Variants in SLC7A2 observed in about 807,000 individuals in gnomAD.
SLC7A2 encodes the protein cationic amino acid transporter 2.
In SLC7A2, 48 loss-of-function variants were observed where a neutral mutation model predicts 58.9. That is an observed-to-expected ratio of 0.82 (90% CI 0.65 to 1.04). The LOEUF (loss-of-function observed/expected upper bound fraction) is 1.04. SLC7A2 is among the 50% of genes least tolerant of loss of function. The pLI is 0.00. For synonymous variants in SLC7A2, 363 were observed against 314.5 expected (o/e 1.15, Z -1.63); for missense variants, 1,029 against 818.8 (o/e 1.26, Z -3.13).
chr8:17,496,545 AC>A (rs1279126266), upstream of SLC7A2, among the ~76,000 whole-genome samples: 2 of 151,750 alleles, frequency 1.3e-5, no homozygotes, highest in Non-Finnish European at 2.9e-5. Flanking sequence ...CTATAAACCC[AC>A]CCCCAAACAA....
At chr8:17,541,587 G>A (rs576291082) in intron 2 of SLC7A2, among the ~76,000 whole-genome samples, 1 of 152,224 alleles carries the variant, frequency 6.6e-6, no homozygotes, top group East Asian at 1.9e-4. Context: ...TTCACTATTG[G>A]AAGCTTGTAT....
At chr8:17,498,476 T>C (rs952976068) in intron 1 of SLC7A2, among the ~76,000 whole-genome samples, 1 of 152,236 alleles carries the variant, frequency 6.6e-6, no homozygotes, top group Admixed American at 6.5e-5. Context: ...TTGTAATTAG[T>C]AAATCCTTTT....
At chr8:17,560,760 A>G (rs1425853598) in intron 10 of SLC7A2, among the ~76,000 whole-genome samples, 2 of 152,318 alleles carry the variant, frequency 1.3e-5, no homozygotes, top group African/African-American at 4.8e-5. Flanking sequence ...ATACTTCAAG[A>G]CGAGAGTGAC....
intron 2 of SLC7A2, among the ~76,000 whole-genome samples, chr8:17,509,439 G>A (rs1437350052): frequency 6.6e-6 from 1 of 151,964 alleles, no homozygotes; most frequent in African/African-American, 2.4e-5. Context: ...CCAAGTAGCT[G>A]GGTTTACAGG....
At chr8:17,547,733 C>T (rs914384146) in intron 4 of SLC7A2, among the ~76,000 whole-genome samples, 22 of 150,426 alleles carry the variant, frequency 1.5e-4, no homozygotes, top group Admixed American at 3.3e-4. Context: ...TCAATATAGT[C>T]GAAGATTATG....
In SLC7A2 at chr8:17,551,937, C is replaced by G; in HGVS notation, c.1006C>G (p.Pro336Ala). ...PVAFEYVGWG[P>A]AKYVVAAGSL... ...AGCGTTTGAATATGTGGGATGGGGTCCTGCCAAATATGTCGTCGCAGCTGG... is the reference window on the plus strand; with the variant it reads ...AGCGTTTGAATATGTGGGATGGGGTGCTGCCAAATATGTCGTCGCAGCTGG... The change falls in exon 7 of 13, where the codon CCT (proline) becomes GCT (alanine). Residue 336 changes from proline (P) to alanine (A), a missense_variant. Physicochemically the swap from Pro to Ala is conservative, Grantham distance 27. Coordinates refer to ENST00000494857, the MANE Select transcript of SLC7A2 (RefSeq NM_001370338.1). 1 of 1,613,976 alleles carries G rather than the reference C, an allele frequency of 6.2e-7. No individual in the cohort carries two copies. The highest frequency in any genetic ancestry group is 8.5e-7 in the Non-Finnish European group (1 of 1,180,004).
chr8:17,542,050 T>G (rs1585236360), intron 2 of SLC7A2, among the ~76,000 whole-genome samples: 1 of 152,292 alleles, frequency 6.6e-6, no homozygotes, highest in East Asian at 1.9e-4. Context: ...AAATCTCAAA[T>G]ATAATAAGCA....
chr8:17,497,435 G>C (rs1454375093), intron 1 of SLC7A2, among the ~76,000 whole-genome samples, 198 bp downstream of exon 1: 1 of 152,136 alleles, frequency 6.6e-6, no homozygotes, highest in East Asian at 1.9e-4. Flanking sequence ...TCAGGGAGTC[G>C]GGGCCGTGGG....
chr8:17,554,992 G>A (rs1802624811), intron 8 of SLC7A2: 2 of 1,613,696 alleles, frequency 1.2e-6, no homozygotes, highest in African/African-American at 1.3e-5. Flanking sequence ...GTTTGCCATG[G>A]CCCGGGATGG....
At chr8:17,530,866 C>G (rs926475662) in intron 2 of SLC7A2, among the ~76,000 whole-genome samples, 1 of 152,092 alleles carries the variant, frequency 6.6e-6, no homozygotes, top group African/African-American at 2.4e-5. Flanking sequence ...GCTACTGCAT[C>G]CAGCCAGTAA....
intron 2 of SLC7A2, among the ~76,000 whole-genome samples, chr8:17,524,566 C>G (rs373264766): frequency 1.3e-5 from 2 of 151,966 alleles, no homozygotes; most frequent in Non-Finnish European, 2.9e-5. Flanking sequence ...AATGGAAACC[C>G]AAACATTGTT....
chr8:17,495,014 A>G (rs1026404277), upstream of SLC7A2, among the ~76,000 whole-genome samples: 2 of 152,268 alleles, frequency 1.3e-5, no homozygotes, highest in Non-Finnish European at 2.9e-5. Context: ...AAATTTGTTT[A>G]TCCCAAATCA....
upstream of SLC7A2, among the ~76,000 whole-genome samples, chr8:17,496,790 G>A (rs1799968322): frequency 6.6e-6 from 1 of 152,158 alleles, no homozygotes; most frequent in African/African-American, 2.4e-5. Flanking sequence ...ATGCCCTTGA[G>A]GTTTGGTCCT....
chr8:17,562,097 A>C lies in SLC7A2; in HGVS notation c.1658A>C (p.Lys553Thr), dbSNP rs1248193451. 4 of 1,613,372 alleles carry C rather than the reference A, an allele frequency of 2.5e-6. No individual in the cohort carries two copies. The highest frequency in any genetic ancestry group is 3.3e-5 in the Admixed American group (2 of 59,994). Residue 553 changes from lysine to threonine, a missense_variant, in exon 11 of 13, where the codon AAA (lysine) becomes ACA (threonine). Lys to Thr is a moderately conservative substitution (Grantham distance 78, BLOSUM62 -1). Transcript: ENST00000494857. ...TGGAGGCAGCCCCAGAATCAGCAAA[A>C]AGTAGCCTTCATGGTATGTGTAATG... Reference protein sequence around the residue: ...TIWRQPQNQQKVAFMVPFLPF... With the variant: ...TIWRQPQNQQTVAFMVPFLPF...
Position 17,569,651 on chromosome 8 carries a change from T to C in SLC7A2, c.*4505T>C, listed in dbSNP as rs552064539. 24 of 152,328 alleles carry C rather than the reference T, an allele frequency of 1.6e-4. No homozygotes were observed. In the South Asian group the frequency reaches 4.8e-3, roughly 30 times the overall value. The allele number at this position is 152,328 out of a possible 1,614,324, so 9.4% of individuals were successfully genotyped here. A position where few individuals can be genotyped will look rare whatever the true frequency, so the allele number is the denominator to read the frequency against. On this transcript the variant is annotated 3_prime_UTR_variant, in exon 13 of 13. Coordinates refer to ENST00000494857, the MANE Select transcript of SLC7A2 (RefSeq NM_001370338.1). ...GATCTGTTATTGTTGTGGTTGTTGGTGTTTGTAATATTCATTATTGTTTGT... is the reference window on the plus strand; with the variant it reads ...GATCTGTTATTGTTGTGGTTGTTGGCGTTTGTAATATTCATTATTGTTTGT...
At chr8:17,546,463 T>C (rs981707283) in intron 4 of SLC7A2, among the ~76,000 whole-genome samples, 1 of 152,238 alleles carries the variant, frequency 6.6e-6, no homozygotes, top group African/African-American at 2.4e-5. Context: ...GGGAAGTGTA[T>C]GCTCTGCTTA....
intron 2 of SLC7A2, among the ~76,000 whole-genome samples, chr8:17,527,671 G>A (rs953890679): frequency 3.3e-5 from 5 of 152,068 alleles, no homozygotes; most frequent in African/African-American, 9.7e-5. Flanking sequence ...TCACAGCTGC[G>A]TCACTGTAAT....
At chr8:17,534,547 A>G (rs1801582824) in intron 2 of SLC7A2, among the ~76,000 whole-genome samples, 1 of 152,168 alleles carries the variant, frequency 6.6e-6, no homozygotes, top group South Asian at 2.1e-4. Flanking sequence ...GTTCCATGAA[A>G]ATATCATGCC....
At chr8:17,516,257 G>A (rs62497989) in intron 2 of SLC7A2, among the ~76,000 whole-genome samples, 51,078 of 150,948 alleles carry the variant, frequency 0.34, 10,287 homozygotes, top group Non-Finnish European at 0.45. Context: ...ATGGAATCTC[G>A]CTCTGTCGCC....
Sources: allele counts gnomAD v4.1 joint callset (sites outside exome capture counted in the v4.1 genomes callset), GRCh38; gene constraint gnomAD v4.1.1; transcripts MANE v1.5; gene names NCBI Gene and HGNC (gene_info 2026-07-23, HGNC 2026-07-21).